The following CCDC85C variants were observed in gnomAD, a reference collection of about 807,000 sequenced individuals.
CCDC85C encodes coiled-coil domain containing 85C, also known as coiled-coil domain-containing protein 85C.
CCDC85C carries 18 observed loss-of-function variants against 38.3 expected under a neutral mutation model. The observed-to-expected ratio is 0.47, with a 90% CI of 0.33 to 0.70. The LOEUF is 0.70. Among genes scored for constraint, CCDC85C ranks in the 30% least tolerant of loss-of-function variants. The probability of loss-of-function intolerance (pLI) is 0.03; values close to 1 mark genes in which losing one functional copy is unlikely to be tolerated. For synonymous variants in CCDC85C, 264 were observed against 293.8 expected (o/e 0.90, Z 1.04); for missense variants, 566 against 621.2 (o/e 0.91, Z 0.94).
In CCDC85C at chr14:99,507,206, C is replaced by A. The variant is rs947759281; in HGVS notation, c.*8040G>T. On this transcript the variant is annotated 3_prime_UTR_variant, in exon 6 of 6. Transcript: ENST00000380243. The stretch of plus-strand genomic sequence containing the variant: ...GCACATCGCCTCTGAATGTTGGACG[C>A]AGCAGGTCCTGGGAACTTAGAAAAG... 25 of 1,011,268 alleles carry A rather than the reference C, an allele frequency of 2.5e-5. No individual in the cohort carries two copies. Among genetic ancestry groups the A allele is most frequent in the Non-Finnish European group, 4.0e-5 (25 of 632,688 alleles). 62.6% of individuals were successfully genotyped at this position (1,011,268 alleles called of 1,614,324 possible). A position where few individuals can be genotyped will look rare whatever the true frequency, so the allele number is the denominator to read the frequency against.
intron 1 of CCDC85C, among the ~76,000 whole-genome samples, chr14:99,583,679 A>T (rs1355854948): frequency 6.6e-6 from 1 of 151,726 alleles, no homozygotes; most frequent in Non-Finnish European, 1.5e-5. Context: ...ATGGTGACAG[A>T]CGCCTGTAGT....
At chr14:99,550,829 C>G (rs549032460) in intron 1 of CCDC85C, among the ~76,000 whole-genome samples, 38 of 152,352 alleles carry the variant, frequency 2.5e-4, no homozygotes, top group Admixed American at 2.1e-3. Context: ...CCAGCACCAG[C>G]TGACCATGGG....
In CCDC85C at chr14:99,509,304, T is replaced by A. The variant is rs1897054807; in HGVS notation, c.*5942A>T. ...GTGTTTGGCTACCTGTGGTGGGGTGTTGCGATGTCATTTTCCAGTGGTCTG... is the reference window on the plus strand; with the variant it reads ...GTGTTTGGCTACCTGTGGTGGGGTGATGCGATGTCATTTTCCAGTGGTCTG... On this transcript the variant is annotated 3_prime_UTR_variant, in exon 6 of 6. Coordinates refer to ENST00000380243, the MANE Select transcript of CCDC85C (RefSeq NM_001144995.2). The A allele has an allele frequency of 6.6e-6, 1 of 152,244 alleles. No homozygotes were observed. The highest frequency in any genetic ancestry group is 2.4e-5 in the African/African-American group (1 of 41,448). 9.4% of individuals were successfully genotyped at this position (152,244 alleles called of 1,614,324 possible).
At chr14:99,582,016 C>T (rs1456882475) in intron 1 of CCDC85C, among the ~76,000 whole-genome samples, 3 of 152,200 alleles carry the variant, frequency 2.0e-5, no homozygotes, top group Non-Finnish European at 2.9e-5. Context: ...GCTCAGGAAG[C>T]TGAGGCATAT....
intron 1 of CCDC85C, among the ~76,000 whole-genome samples, chr14:99,600,543 C>T (rs1210673552): frequency 3.3e-5 from 5 of 152,214 alleles, no homozygotes; most frequent in African/African-American, 4.8e-5. Context: ...AACATGACAA[C>T]AGACCAAGGG....
intron 1 of CCDC85C, among the ~76,000 whole-genome samples, chr14:99,560,008 A>T (rs1163167723): frequency 5.5e-5 from 3 of 54,064 alleles, no homozygotes; most frequent in African/African-American, 1.6e-4. Flanking sequence ...CTTTGAAATT[A>T]AAAAAAAAAA....
At chr14:99,586,432 C>T (rs1315126440) in intron 1 of CCDC85C, among the ~76,000 whole-genome samples, 3 of 152,242 alleles carry the variant, frequency 2.0e-5, no homozygotes, top group Non-Finnish European at 4.4e-5. Flanking sequence ...CCTCCACCTC[C>T]CCAGGCGGGA....
intron 1 of CCDC85C, among the ~76,000 whole-genome samples, chr14:99,583,839 T>C (rs1467890022): frequency 1.4e-5 from 2 of 144,376 alleles, no homozygotes; most frequent in Non-Finnish European, 3.0e-5. Flanking sequence ...CACATATAAC[T>C]AACATACACA....
intron 3 of CCDC85C, among the ~76,000 whole-genome samples, chr14:99,519,957 GA>G (rs1245337391): frequency 6.6e-6 from 1 of 152,222 alleles, no homozygotes; most frequent in African/African-American, 2.4e-5. Flanking sequence ...CTGGGGTGAT[GA>G]AAATGTTCTA....
At chr14:99,595,122 C>A (rs988461444) in intron 1 of CCDC85C, among the ~76,000 whole-genome samples, 3 of 152,206 alleles carry the variant, frequency 2.0e-5, no homozygotes, top group Non-Finnish European at 4.4e-5. Flanking sequence ...CCGGCCCTGG[C>A]CTTGCTCACT....
Position 99,503,178 on chromosome 14 carries a change from C to T in CCDC85C, c.*12068G>A. The T allele has an allele frequency of 4.1e-6, 3 of 726,598 alleles. No individual in the cohort carries two copies. The highest frequency in any genetic ancestry group is 1.5e-5 in the South Asian group (1 of 67,340). 45.0% of individuals were successfully genotyped at this position (726,598 alleles called of 1,614,324 possible). On this transcript the variant is annotated 3_prime_UTR_variant, in exon 6 of 6. Transcript: ENST00000380243. ...TCCAAGGACAGGCTGCCTCTGAGAA[C>T]CAGGAGGGGGCTCTCTGCCCGGCTC...
At chr14:99,549,458 A>G (rs1436149697) in intron 1 of CCDC85C, among the ~76,000 whole-genome samples, 1 of 152,186 alleles carries the variant, frequency 6.6e-6, no homozygotes, top group Non-Finnish European at 1.5e-5. Flanking sequence ...AGGTGGTGGT[A>G]GGAAGCCACC....
In CCDC85C at chr14:99,544,850, C is replaced by A. The variant is rs1160774594; in HGVS notation, c.794-8762G>T. On this transcript the variant is annotated intron_variant, in intron 1 of 5. Transcript: ENST00000380243. The surrounding 1 kb of genome is among the most constrained non-coding windows in gnomAD (Gnocchi z 5.3). ...GTCACACATGGCCTGCAGGCTGGCA[C>A]CAGCTTCCCCTGAGATCCACCTCCA... Among the ~76,000 whole-genome samples, 2 of 152,156 alleles carry A rather than the reference C, an allele frequency of 1.3e-5. No homozygotes were observed. Among genetic ancestry groups the A allele is most frequent in the African/African-American group, 4.8e-5 (2 of 41,430 alleles).
Position 99,515,244 on chromosome 14 carries a change from C to T in CCDC85C, c.*2G>A, listed in dbSNP as rs1897202790. On this transcript the variant is annotated 3_prime_UTR_variant, in exon 6 of 6. Coordinates refer to ENST00000380243, the MANE Select transcript of CCDC85C (RefSeq NM_001144995.2). The stretch of plus-strand genomic sequence containing the variant: ...CCAGTCCACGTCCACAGAAGAGTGG[C>T]CCTACAAAGGCCCCTTGAACTGGTT... 1 of 1,549,544 alleles carries T rather than the reference C, an allele frequency of 6.5e-7. No homozygotes were observed. The highest frequency in any genetic ancestry group is 8.7e-7 in the Non-Finnish European group (1 of 1,145,958).
At chr14:99,602,001 G>T (rs1224372120) in intron 1 of CCDC85C, among the ~76,000 whole-genome samples, 1 of 152,236 alleles carries the variant, frequency 6.6e-6, no homozygotes, top group South Asian at 2.1e-4. Flanking sequence ...AGGCTGAGGG[G>T]TTCTGGGGAG....
chr14:99,549,152 G>A (rs1165032597), intron 1 of CCDC85C, among the ~76,000 whole-genome samples: 3 of 152,276 alleles, frequency 2.0e-5, no homozygotes, highest in Non-Finnish European at 2.9e-5. Flanking sequence ...TGATAAAGGC[G>A]GGCTGTGGAG....
At chr14:99,586,925 G>A (rs917250869) in intron 1 of CCDC85C, among the ~76,000 whole-genome samples, 11 of 152,204 alleles carry the variant, frequency 7.2e-5, no homozygotes, top group Admixed American at 2.6e-4. Context: ...CCGCAGCCAC[G>A]GGCGGCACTC....
intron 1 of CCDC85C, among the ~76,000 whole-genome samples, chr14:99,546,570 C>G (rs960051327): frequency 6.6e-6 from 1 of 152,098 alleles, no homozygotes; most frequent in Non-Finnish European, 1.5e-5. Context: ...GCAATGAAAA[C>G]AAGAATAAAT....
intron 1 of CCDC85C, among the ~76,000 whole-genome samples, chr14:99,551,246 T>C (rs1424002381): frequency 1.3e-5 from 2 of 152,134 alleles, no homozygotes; most frequent in Non-Finnish European, 2.9e-5. Flanking sequence ...CACTAGAGAT[T>C]GGCCACCAAG....
Sources: gnomAD v4.1 joint callset for allele counts (sites outside exome capture counted in the v4.1 genomes callset) on GRCh38, gnomAD v4.1.1 for gene constraint, Gnocchi (gnomAD v3.1) non-coding constraint, MANE v1.5 for transcripts, NCBI Gene and HGNC (gene_info 2026-07-23, HGNC 2026-07-21) for gene names.